REL: variants seen among roughly 807,000 people sequenced by gnomAD.
REL encodes the protein proto-oncogene c-Rel.
A neutral mutation model predicts 45.9 loss-of-function variants in REL; 15 were observed. The observed-to-expected ratio is 0.33, with a 90% CI of 0.22 to 0.50. The LOEUF (loss-of-function observed/expected upper bound fraction) is 0.50, where lower values mean the gene tolerates loss of function less well. Ranked by LOEUF, REL falls within the 20% of genes least tolerant of loss-of-function variation. The pLI, the probability that REL is intolerant of heterozygous loss-of-function variation, is 0.98. For missense variants in REL, 601 were observed against 715.2 expected, an observed-to-expected ratio of 0.84 and a Z score of 1.82; for synonymous variants, 239 against 242.1, an observed-to-expected ratio of 0.99 and a Z score of 0.12.
intron 2 of REL, among the ~76,000 whole-genome samples, chr2:60,892,055 TGCTTGTG>T (rs1673229149): frequency 6.6e-6 from 1 of 152,268 alleles, no homozygotes; most frequent in South Asian, 2.1e-4. Context: ...AGTTCTATGG[TGCTTGTG>T]TATTAACCTA....
chr2:60,922,386 G>A lies in REL; in HGVS notation c.1615G>A (p.Asp539Asn), dbSNP rs1405635254. The part of the protein sequence containing the change: ...AFEGSDFSCA[D>N]NSMINESGPS... Reference sequence around the variant, plus strand: ...TGAGGGATCTGACTTCAGTTGTGCAGATAACAGCATGATAAATGAGTCGGG... The same window carrying A: ...TGAGGGATCTGACTTCAGTTGTGCAAATAACAGCATGATAAATGAGTCGGG... The change falls in exon 10 of 10, where the codon GAT becomes AAT. Residue 539 changes from aspartate (D) to asparagine (N), a missense_variant. Asp to Asn is a conservative substitution (Grantham distance 23, BLOSUM62 1). This residue lies in a region of REL where 334 missense variants were observed against 333.1 expected (regional missense o/e 1.00). Transcript: ENST00000394479. The A allele has an allele frequency of 6.2e-7, 1 of 1,614,060 alleles. No homozygotes were observed. The highest frequency in any genetic ancestry group is 8.5e-7 in the Non-Finnish European group (1 of 1,180,014).
intron 7 of REL, among the ~76,000 whole-genome samples, 179 bp downstream of exon 7, chr2:60,918,785 TTTTTG>T (rs1015954342): frequency 1.3e-5 from 2 of 152,202 alleles, no homozygotes; most frequent in South Asian, 2.1e-4. Flanking sequence ...GTTGGGTTGT[TTTTTG>T]TTTTGTTTTG....
At chr2:60,890,106 A>G (rs1365218434) in intron 1 of REL, among the ~76,000 whole-genome samples, 1 of 152,128 alleles carries the variant, frequency 6.6e-6, no homozygotes, top group Non-Finnish European at 1.5e-5. Flanking sequence ...CCTCTCCAGC[A>G]CCTGTTGTTT....
chr2:60,883,403 AACTTTCCCTTTTCCC>A (rs1287901750), intron 1 of REL, among the ~76,000 whole-genome samples: 2 of 152,212 alleles, frequency 1.3e-5, no homozygotes, highest in African/African-American at 4.8e-5. Flanking sequence ...AAAATATTTC[AACTTTCCCTTTTCCC>A]ACTTAAGTGA....
At chr2:60,898,601 C>T (rs1673418790) in intron 3 of REL, among the ~76,000 whole-genome samples, 1 of 152,106 alleles carries the variant, frequency 6.6e-6, no homozygotes, top group African/African-American at 2.4e-5. Context: ...TCCACTTGAC[C>T]AGAGACTACC....
chr2:60,894,372 G>A (rs373649020), intron 2 of REL, 25 bp from the exon 3 acceptor site: 3 of 1,379,150 alleles, frequency 2.2e-6, no homozygotes. Flanking sequence ...TTTGGATCAT[G>A]TATTTAATTT....
chr2:60,916,040 T>C (rs1673953469), intron 4 of REL, among the ~76,000 whole-genome samples: 1 of 152,246 alleles, frequency 6.6e-6, no homozygotes, highest in South Asian at 2.1e-4. Flanking sequence ...TTTAAAAGCA[T>C]AGGCTCTAAA....
In REL at chr2:60,916,874, C is replaced by T. The variant is rs1482246751; in HGVS notation, c.395-3C>T. The T allele has an allele frequency of 6.2e-7, 1 of 1,604,888 alleles. No homozygotes were observed. On this transcript the variant is annotated splice_polypyrimidine_tract_variant and splice_region_variant and intron_variant, in intron 4 of 9. Transcript: ENST00000394479. ...ATTTAAAAAATTTTTTTTTTCTATT[C>T]AGTCCCTGAAAAACAGCTGAATGAT...
intron 1 of REL, among the ~76,000 whole-genome samples, chr2:60,887,806 T>G (rs1038408304): frequency 6.6e-6 from 1 of 151,866 alleles, no homozygotes; most frequent in Non-Finnish European, 1.5e-5. Context: ...TTTATGTAAT[T>G]TTTACTATTT....
intron 4 of REL, among the ~76,000 whole-genome samples, chr2:60,914,496 TG>T (rs1233062599): frequency 6.6e-6 from 1 of 151,948 alleles, no homozygotes; most frequent in African/African-American, 2.4e-5. Context: ...TTGACCAGTT[TG>T]TTTATTTTTC....
intron 4 of REL, among the ~76,000 whole-genome samples, chr2:60,905,235 T>C (rs985007159): frequency 1.3e-5 from 2 of 152,026 alleles, no homozygotes; most frequent in African/African-American, 2.4e-5. Context: ...GCTGGGACTA[T>C]AGGCACCCGC....
intron 2 of REL, among the ~76,000 whole-genome samples, chr2:60,892,814 G>T (rs1012690842): frequency 2.0e-5 from 3 of 149,600 alleles, no homozygotes; most frequent in South Asian, 4.3e-4. Context: ...GAGGGCAGTG[G>T]CGTGATCTCA....
At chr2:60,889,122 A>G (rs77787761) in intron 1 of REL, among the ~76,000 whole-genome samples, 5 of 122,818 alleles carry the variant, frequency 4.1e-5, no homozygotes, top group South Asian at 2.7e-4. Context: ...TTAAGAGAGA[A>G]AGTGTGTTCC....
chr2:60,900,249 A>G (rs922280937), intron 3 of REL: 1 of 152,268 alleles, frequency 6.6e-6, no homozygotes, highest in African/African-American at 2.4e-5. Context: ...TTTTAAAAAT[A>G]TAGGCAACAC....
chr2:60,886,647 T>C (rs905499661), intron 1 of REL, among the ~76,000 whole-genome samples: 1 of 152,138 alleles, frequency 6.6e-6, no homozygotes, highest in African/African-American at 2.4e-5. Context: ...TTAGCTTTTT[T>C]TTCTGTATAC....
At position 60,922,161 on chromosome 2, in the gene REL, G is replaced by C. The variant is rs780865159; in HGVS notation, c.1390G>C (p.Val464Leu). ...TCCCAACATGCTGTCTAATTGTTCTGTGAATATGATGACAACCAGCAGTGA... is the reference window on the plus strand; with the variant it reads ...TCCCAACATGCTGTCTAATTGTTCTCTGAATATGATGACAACCAGCAGTGA... ...SDPNMLSNCS[V>L]NMMTTSSDSM... Residue 464 changes from valine (V) to leucine (L), a missense_variant, in exon 10 of 10, where the codon GTG becomes CTG. Coordinates refer to ENST00000394479, the MANE Select transcript of REL (RefSeq NM_001291746.2). The C allele has an allele frequency of 6.2e-7, 1 of 1,614,140 alleles. No individual in the cohort carries two copies. The highest frequency in any genetic ancestry group is 8.5e-7 in the Non-Finnish European group (1 of 1,180,020).
intron 3 of REL, among the ~76,000 whole-genome samples, chr2:60,898,315 A>G (rs944067851): frequency 6.6e-6 from 1 of 152,158 alleles, no homozygotes; most frequent in Non-Finnish European, 1.5e-5. Context: ...CATTCCTTCT[A>G]TATAGCCTAT....
Position 60,884,464 on chromosome 2 carries a change from A to T in REL, c.10+2614A>T, listed in dbSNP as rs191480783. 1.2e-4 allele frequency among the ~76,000 whole-genome samples: 19 copies of T among 152,226 alleles called. No individual in the cohort carries two copies. The East Asian group carries it at 3.5e-3, about 28-fold the overall frequency. ...TGCTTTTTAAAAAAATTACACCTTG[A>T]TCACAGTCTTTTGACATAATTAATA... On this transcript the variant is annotated intron_variant, in intron 1 of 9. Coordinates refer to ENST00000394479, the MANE Select transcript of REL (RefSeq NM_001291746.2).
intron 4 of REL, among the ~76,000 whole-genome samples, chr2:60,915,669 A>G (rs1673943976): frequency 6.6e-6 from 1 of 152,224 alleles, no homozygotes; most frequent in Admixed American, 6.5e-5. Flanking sequence ...TTGCAAAGTA[A>G]AATTGTTATG....
Sources: gnomAD v4.1 joint callset for allele counts (sites outside exome capture counted in the v4.1 genomes callset) on GRCh38, gnomAD v4.1.1 for gene constraint, gnomAD v4.1.1 regional missense constraint, MANE v1.5 for transcripts, NCBI Gene and HGNC (gene_info 2026-07-23, HGNC 2026-07-21) for gene names.